TAF1: variants seen among roughly 807,000 people sequenced by gnomAD.
The protein encoded by TAF1 is TATA-box binding protein associated factor 1.
Under a neutral mutation model 138.5 loss-of-function variants are expected in TAF1, and 2 were observed. The ratio of observed to expected loss-of-function variants is 0.01; its 90% CI spans 0.01 to 0.05. The LOEUF (loss-of-function observed/expected upper bound fraction) is 0.05, where lower values mean the gene tolerates loss of function less well. TAF1 is among the 10% of genes least tolerant of loss of function. The pLI, the probability that TAF1 is intolerant of heterozygous loss-of-function variation, is 1.00. For missense variants in TAF1, 709 were observed against 1,478.0 expected, an observed-to-expected ratio of 0.48 and a Z score of 8.53; for synonymous variants, 437 against 503.2, an observed-to-expected ratio of 0.87 and a Z score of 1.76.
At chrX:71,421,718 G>T (rs1003888049) in intron 29 of TAF1, among the ~76,000 whole-genome samples, 3 of 112,154 alleles carry the variant, frequency 2.7e-5, no homozygotes, top group Non-Finnish European at 5.6e-5. Flanking sequence ...GTTTTAGGAA[G>T]AATTTTCATT....
intron 13 of TAF1, among the ~76,000 whole-genome samples, chrX:71,525,166 A>G (rs767414271): frequency 7.8e-4 from 85 of 108,570 alleles, no homozygotes; most frequent in Non-Finnish European, 1.3e-3. Context: ...CTCAGCCTCC[A>G]GAGTAGCTGG....
chrX:71,456,988 A>G (rs1323015105), intron 34 of TAF1, among the ~76,000 whole-genome samples: 1 of 111,314 alleles, frequency 9.0e-6, no homozygotes, highest in East Asian at 2.8e-4. Flanking sequence ...TTTTCACTCA[A>G]CTGTTTCCAC....
chrX:71,386,837 A>G (rs1602498956), intron 14 of TAF1, among the ~76,000 whole-genome samples: 1 of 113,036 alleles, frequency 8.8e-6, no homozygotes, highest in African/African-American at 3.2e-5. Context: ...GTTGGGCTAC[A>G]CTGGGGTCTA....
chrX:71,474,176 A>G (rs1340550808), intron 13 of TAF1, among the ~76,000 whole-genome samples: 1 of 111,160 alleles, frequency 9.0e-6, no homozygotes, highest in Non-Finnish European at 1.9e-5. Context: ...GAGAGCAAGC[A>G]AGCAAGCAAG....
intron 24 of TAF1, among the ~76,000 whole-genome samples, chrX:71,399,833 G>C (rs916913526): frequency 2.3e-4 from 25 of 110,400 alleles, no homozygotes; most frequent in Non-Finnish European, 3.6e-4. Context: ...CCCGTTTCAA[G>C]CGGCAATCCT....
chrX:71,384,905 G>A (rs201368130), intron 13 of TAF1, 40 bp from the exon 14 acceptor site: 3 of 1,011,795 alleles, frequency 3.0e-6, no homozygotes, highest in Admixed American at 2.3e-5. Context: ...TAGGATTATT[G>A]ATATATTCTA....
chrX:71,440,807 TC>T (rs1209254566), intron 32 of TAF1, among the ~76,000 whole-genome samples: 1 of 111,723 alleles, frequency 9.0e-6, no homozygotes, highest in Non-Finnish European at 1.9e-5. Context: ...AAAAACATTT[TC>T]TTGCTCTCGG....
chrX:71,403,612 C>T (rs1240351455), intron 25 of TAF1, among the ~76,000 whole-genome samples: 1 of 111,384 alleles, frequency 9.0e-6, no homozygotes, highest in Non-Finnish European at 1.9e-5. Flanking sequence ...TGATGAATAT[C>T]CTGTTCCCTG....
intron 25 of TAF1, among the ~76,000 whole-genome samples, chrX:71,404,374 C>T (rs1439976195): frequency 9.0e-6 from 1 of 110,946 alleles, no homozygotes; most frequent in East Asian, 2.8e-4. Flanking sequence ...CTTTTTGAGA[C>T]GGAGTCTTGC....
chrX:71,512,508 A>C (rs1032617169), intron 13 of TAF1, among the ~76,000 whole-genome samples: 2 of 111,024 alleles, frequency 1.8e-5, no homozygotes, highest in Non-Finnish European at 3.8e-5. Context: ...ACCAAATAGG[A>C]ATGGTCAGAA....
chrX:71,515,822 A>T lies in TAF1; in HGVS notation c.1367-12720A>T, dbSNP rs748587606. On this transcript the variant is annotated intron_variant and NMD_transcript_variant, in intron 13 of 14. Coordinates refer to the TAF1 transcript ENST00000373775. ...TGAATCTAGAAACTGCTGTGAAGGG[A>T]TTGTGCAGATGTAATTAAGTCAGCT... is the stretch of plus-strand genomic sequence containing the variant. 4.5e-5 allele frequency among the ~76,000 whole-genome samples: 5 copies of T among 111,501 alleles called. No homozygotes were observed. In the South Asian group the frequency reaches 1.9e-3, roughly 41 times the overall value.
intron 4 of TAF1, 152 bp downstream of exon 4, chrX:71,375,438 G>A (rs2033401001): frequency 2.6e-6 from 2 of 760,325 alleles, no homozygotes; most frequent in Admixed American, 9.6e-5. Flanking sequence ...AGTATTAAAG[G>A]GAAGTTTTAC....
rs771117995 is a variant in TAF1, at chrX:71,366,392, C to T, written c.18C>T (p.Ser6=). 5 of 1,210,626 alleles carry T rather than the reference C, an allele frequency of 4.1e-6. No homozygotes were observed. Among genetic ancestry groups the T allele is most frequent in the South Asian group, 3.5e-5 (2 of 56,917 alleles). Residue 6 remains serine, a synonymous_variant, in exon 1 of 38, where the codon AGC becomes AGT. Transcript: ENST00000423759. MSDTD[S]DEDSAGGGPF... ...CCGCCATCATGTCAGACACGGACAG[C>T]GACGAAGATTCCGCTGGAGGCGGCC...
At chrX:71,506,688 C>CGA (rs2039634790) in intron 13 of TAF1, among the ~76,000 whole-genome samples, 1 of 103,064 alleles carries the variant, frequency 9.7e-6, no homozygotes, top group South Asian at 4.4e-4. Flanking sequence ...GGCAACAGAG[C>CGA]GAGACCCTGT....
intron 28 of TAF1, chrX:71,420,494 G>A (rs878902833): frequency 5.7e-5 from 69 of 1,200,161 alleles, no homozygotes; most frequent in Middle Eastern, 3.1e-4. Flanking sequence ...AACGGGCATC[G>A]GCCTCCATCT....
chrX:71,380,608 TATATG>T (rs1350076112), intron 8 of TAF1, among the ~76,000 whole-genome samples: 30 of 111,028 alleles, frequency 2.7e-4, no homozygotes, highest in African/African-American at 2.6e-4. Context: ...TGAAACAACA[TATATG>T]ATATCCTATT....
chrX:71,366,414 G>T lies in TAF1; in HGVS notation c.40G>T (p.Gly14Cys). ...CAGCGACGAAGATTCCGCTGGAGGC[G>T]GCCCATTTTCTTTAGCGGGTTTCCT... ...TDSDEDSAGG[G>C]PFSLAGFLFG... is the part of the protein sequence containing the mutation. Residue 14 changes from glycine (G) to cysteine (C), a missense_variant, in exon 1 of 38, where the codon GGC (glycine) becomes TGC (cysteine). By Grantham distance (159) the Gly-to-Cys change is radical. Coordinates refer to ENST00000423759, the MANE Select transcript of TAF1 (RefSeq NM_004606.5). The T allele has an allele frequency of 1.7e-6, 2 of 1,209,912 alleles. No individual in the cohort carries two copies. Among genetic ancestry groups the T allele is most frequent in the Non-Finnish European group, 2.2e-6 (2 of 895,148 alleles).
At position 71,463,710 on chromosome X, in the gene TAF1, A is replaced by G. The variant is rs1245019104; in HGVS notation, c.5400-114A>G. ...CATGTAGAATAGTCCAGAACCAGTC[A>G]CTTTAGTGTCCAGGGGAGGTGAGAT... On this transcript the variant is annotated intron_variant, in intron 37 of 37. Coordinates refer to ENST00000423759, the MANE Select transcript of TAF1 (RefSeq NM_004606.5). 7.3e-6 allele frequency: 5 copies of G among 686,115 alleles called. No homozygotes were observed. The African/African-American group carries it at 1.1e-4, about 15-fold the overall frequency. 56.5% of individuals were successfully genotyped at this position (686,115 alleles called of 1,213,427 possible). A position where few individuals can be genotyped will look rare whatever the true frequency, so the allele number is the denominator to read the frequency against.
At position 71,403,070 on chromosome X, in the gene TAF1, C is replaced by G. The variant is rs750017549; in HGVS notation, c.3998+1331C>G. On this transcript the variant is annotated intron_variant, in intron 25 of 37. Coordinates refer to ENST00000423759, the MANE Select transcript of TAF1 (RefSeq NM_004606.5). ...TTGAGATAGGGTCTGGTTCTATTACCCAGGCTGGAGTGCAGGGGCATGATC... is the reference window on the plus strand; with the variant it reads ...TTGAGATAGGGTCTGGTTCTATTACGCAGGCTGGAGTGCAGGGGCATGATC... Among the ~76,000 whole-genome samples the G allele has an allele frequency of 3.6e-5, 4 of 109,652 alleles. No homozygotes were observed. In the East Asian group the frequency reaches 8.5e-4, roughly 23 times the overall value.
Sources: allele counts gnomAD v4.1 joint callset (sites outside exome capture counted in the v4.1 genomes callset), GRCh38; gene constraint gnomAD v4.1.1; transcripts MANE v1.5; gene names NCBI Gene and HGNC (gene_info 2026-07-23, HGNC 2026-07-21).